Variants in CDH4 observed in about 807,000 individuals in gnomAD.
CDH4 encodes cadherin-4.
Under a neutral mutation model 86.0 loss-of-function variants are expected in CDH4, and 33 were observed. The ratio of observed to expected loss-of-function variants is 0.38; its 90% confidence interval spans 0.29 to 0.51. The LOEUF (loss-of-function observed/expected upper bound fraction) is 0.51, where lower values mean the gene tolerates loss of function less well. Among genes scored for constraint, CDH4 ranks in the 20% least tolerant of loss-of-function variants. The pLI, the probability that CDH4 is intolerant of heterozygous loss-of-function variation, is 0.86. For synonymous variants in CDH4, 555 were observed against 549.4 expected (o/e 1.01, Z -0.14); for missense variants, 1,114 against 1,307.4 (o/e 0.85, Z 2.28).
intron 2 of CDH4, among the ~76,000 whole-genome samples, chr20:61,313,592 T>C (rs528190073): frequency 1.3e-5 from 2 of 152,318 alleles, no homozygotes; most frequent in African/African-American, 4.8e-5. Flanking sequence ...CTGCATGAGA[T>C]GAATGAGCGC....
chr20:61,750,120 T>G (rs1247379169), intron 3 of CDH4, among the ~76,000 whole-genome samples: 2 of 149,488 alleles, frequency 1.3e-5, no homozygotes, highest in African/African-American at 5.1e-5. Context: ...TAAAAATAAC[T>G]GAAAATGAGA....
chr20:61,934,717 G>GCCCCCC (rs200122965), intron 15 of CDH4, among the ~76,000 whole-genome samples: 3 of 148,680 alleles, frequency 2.0e-5, no homozygotes, highest in African/African-American at 5.1e-5. Flanking sequence ...AGGCCAACTT[G>GCCCCCC]CCCCCCCTCC....
chr20:61,756,406 G>C (rs118125833), intron 3 of CDH4, among the ~76,000 whole-genome samples: 8 of 152,148 alleles, frequency 5.3e-5, no homozygotes, highest in Non-Finnish European at 8.8e-5. Flanking sequence ...ACGTGCAAAG[G>C]CTGGAGCAGG....
chr20:61,817,431 C>G (rs970690984), intron 4 of CDH4, among the ~76,000 whole-genome samples: 12 of 152,204 alleles, frequency 7.9e-5, no homozygotes, highest in Non-Finnish European at 7.4e-5. Flanking sequence ...CCCCACCCCC[C>G]AAATGGATCT....
rs1439371806 is a variant in CDH4, at chr20:61,708,107, C to T, written c.170-35456C>T. Among the ~76,000 whole-genome samples the T allele has an allele frequency of 1.3e-5, 2 of 152,066 alleles. No individual in the cohort carries two copies. Among genetic ancestry groups the T allele is most frequent in the African/African-American group, 2.4e-5 (1 of 41,406 alleles). On this transcript the variant is annotated intron_variant, in intron 2 of 15. Transcript: ENST00000614565. This position sits in a 1 kb window ranked among gnomAD's most constrained non-coding sequence, Gnocchi z 4.5. ...CTGCTGGGGGTCCCGGGCTGTGGCG[C>T]GTCTCCCTGGGCATAGCCATCACCC...
chr20:61,325,470 C>A (rs753108249), intron 2 of CDH4, among the ~76,000 whole-genome samples: 8 of 151,654 alleles, frequency 5.3e-5, no homozygotes, highest in Admixed American at 5.2e-4. Context: ...GTAAAGACTG[C>A]ATTTCTTGAG....
At chr20:61,790,760 C>T (rs965552122) in intron 4 of CDH4, among the ~76,000 whole-genome samples, 1 of 151,080 alleles carries the variant, frequency 6.6e-6, no homozygotes, top group Non-Finnish European at 1.5e-5. Flanking sequence ...ATTTATCTAT[C>T]CATCTATCCA....
intron 2 of CDH4, chr20:61,570,868 G>C: frequency 1.5e-6 from 1 of 687,102 alleles, no homozygotes; most frequent in Non-Finnish European, 2.7e-6. Context: ...TGGATGTGTA[G>C]TGGCTGTTAA....
chr20:61,727,082 CCAT>C (rs1395854123), intron 2 of CDH4, among the ~76,000 whole-genome samples: 1 of 151,846 alleles, frequency 6.6e-6, no homozygotes, highest in Non-Finnish European at 1.5e-5. Flanking sequence ...ACCATTGCTG[CCAT>C]CATCATCACC....
intron 2 of CDH4, among the ~76,000 whole-genome samples, chr20:61,685,360 G>A (rs765511781): frequency 1.3e-5 from 2 of 152,234 alleles, no homozygotes; most frequent in Non-Finnish European, 2.9e-5. Flanking sequence ...TTTGTGTGAA[G>A]CGGGGTGACT....
intron 6 of CDH4, among the ~76,000 whole-genome samples, chr20:61,858,106 T>G (rs1295575827): frequency 6.6e-6 from 1 of 151,280 alleles, no homozygotes; most frequent in Non-Finnish European, 1.5e-5. Context: ...TGTGTCTCTG[T>G]TTCTGTGTGT....
chr20:61,618,601 G>A (rs1042129086), intron 2 of CDH4, among the ~76,000 whole-genome samples: 1 of 152,114 alleles, frequency 6.6e-6, no homozygotes, highest in Non-Finnish European at 1.5e-5. Context: ...ATGACTGGAG[G>A]TGCATCCAGC....
At chr20:61,705,687 C>G (rs1462802641) in intron 2 of CDH4, among the ~76,000 whole-genome samples, 1 of 152,210 alleles carries the variant, frequency 6.6e-6, no homozygotes, top group Non-Finnish European at 1.5e-5. Flanking sequence ...TGGAGGCCCC[C>G]TCACCCAAGC....
At chr20:61,813,060 T>A (rs1001337682) in intron 4 of CDH4, among the ~76,000 whole-genome samples, 1 of 152,214 alleles carries the variant, frequency 6.6e-6, no homozygotes, top group Non-Finnish European at 1.5e-5. Context: ...GCGAACCACA[T>A]CCCGCTGCCT....
intron 2 of CDH4, among the ~76,000 whole-genome samples, chr20:61,294,693 G>A (rs887705806): frequency 2.0e-5 from 3 of 152,236 alleles, no homozygotes; most frequent in Admixed American, 6.5e-5. Context: ...GCAGCCTGGA[G>A]CCTGTGAGAT....
intron 2 of CDH4, among the ~76,000 whole-genome samples, chr20:61,526,137 A>T (rs566729818): frequency 1.6e-4 from 24 of 152,032 alleles, no homozygotes; most frequent in African/African-American, 5.8e-4. Flanking sequence ...CCGAGTCTCT[A>T]TGGGTCCCTC....
chr20:61,565,307 T>TTGGTGGTGGGGTGA (rs1555809188), intron 2 of CDH4, among the ~76,000 whole-genome samples: 1 of 42,566 alleles, frequency 2.3e-5, no homozygotes, highest in Non-Finnish European at 4.7e-5. Flanking sequence ...GGCGGTGCTC[T>TTGGTGGTGGGGTGA]TGGTGGTGGC....
chr20:61,644,322 G>A (rs1427230812), intron 2 of CDH4, among the ~76,000 whole-genome samples: 1 of 152,198 alleles, frequency 6.6e-6, no homozygotes, highest in Non-Finnish European at 1.5e-5. Context: ...CCTGAGGGTG[G>A]AACAGGGTCA....
intron 2 of CDH4, among the ~76,000 whole-genome samples, chr20:61,732,086 C>G (rs921768384): frequency 6.6e-6 from 1 of 152,212 alleles, no homozygotes; most frequent in African/African-American, 2.4e-5. Flanking sequence ...GCTGCAGTGA[C>G]GGTGACTCAC....
Sources: gnomAD v4.1 joint callset for allele counts (sites outside exome capture counted in the v4.1 genomes callset) on GRCh38, gnomAD v4.1.1 for gene constraint, Gnocchi (gnomAD v3.1) non-coding constraint, MANE v1.5 for transcripts, NCBI Gene and HGNC (gene_info 2026-07-23, HGNC 2026-07-21) for gene names.